The following STAT5B variants were observed in gnomAD, a reference collection of about 807,000 sequenced individuals.
The protein encoded by STAT5B is transcription factor STAT5B.
Under a neutral mutation model 107.8 loss-of-function variants are expected in STAT5B, and 21 were observed. The ratio of observed to expected loss-of-function variants is 0.19; its 90% confidence interval spans 0.14 to 0.28. STAT5B has a LOEUF of 0.28. Among genes scored for constraint, STAT5B ranks in the 10% least tolerant of loss-of-function variants. STAT5B has a pLI of 1.00. For synonymous variants in STAT5B, 325 were observed against 401.7 expected, an observed-to-expected ratio of 0.81 and a Z score of 2.28; for missense variants, 565 against 1,008.2, an observed-to-expected ratio of 0.56 and a Z score of 5.95.
intron 1 of STAT5B, among the ~76,000 whole-genome samples, chr17:42,253,685 T>G (rs2080518413): frequency 6.6e-6 from 1 of 152,150 alleles, no homozygotes; most frequent in African/African-American, 2.4e-5. Context: ...ATGATGATGA[T>G]TATTTTTAGA....
intron 3 of STAT5B, 36 bp from the exon 4 acceptor site, chr17:42,224,904 A>T: frequency 6.2e-7 from 1 of 1,608,956 alleles, no homozygotes; most frequent in Non-Finnish European, 8.5e-7. Flanking sequence ...ACTTTGTGCC[A>T]CTCCACACTA....
intron 9 of STAT5B, chr17:42,217,888 T>G: frequency 2.0e-6 from 1 of 510,978 alleles, no homozygotes; most frequent in South Asian, 2.1e-5. Flanking sequence ...GTATTTTTAG[T>G]AGAGACAGGG....
intron 15 of STAT5B, among the ~76,000 whole-genome samples, chr17:42,208,922 C>T (rs1029351620): frequency 2.6e-5 from 4 of 151,942 alleles, no homozygotes; most frequent in Admixed American, 6.6e-5. Flanking sequence ...TTAGTAGAGA[C>T]GGGGGTTTCA....
intron 5 of STAT5B, among the ~76,000 whole-genome samples, chr17:42,220,363 C>G (rs1463448726): frequency 3.3e-5 from 5 of 152,196 alleles, no homozygotes; most frequent in African/African-American, 1.2e-4. Context: ...TGGGTGAGCT[C>G]TGTGTGAGGT....
intron 16 of STAT5B, among the ~76,000 whole-genome samples, chr17:42,207,012 G>A (rs921549180): frequency 3.3e-5 from 5 of 151,440 alleles, no homozygotes; most frequent in African/African-American, 9.7e-5. Flanking sequence ...GAGTACCTGC[G>A]ATTACAAGTG....
At chr17:42,226,805 T>A (rs1293007947) in intron 3 of STAT5B, among the ~76,000 whole-genome samples, 4 of 79,500 alleles carry the variant, frequency 5.0e-5, no homozygotes, top group East Asian at 3.8e-4. Flanking sequence ...TGAAACTCCA[T>A]CTCAAAAAAA....
At chr17:42,208,142 T>C (rs1488632977) in intron 15 of STAT5B, among the ~76,000 whole-genome samples, 1 of 152,028 alleles carries the variant, frequency 6.6e-6, no homozygotes, top group African/African-American at 2.4e-5. Context: ...TCCACCCACC[T>C]CAGCCTCCCA....
At chr17:42,277,699 T>G (rs2080776321), upstream of STAT5B, among the ~76,000 whole-genome samples, 2 of 152,156 alleles carry the variant, frequency 1.3e-5, 1 homozygote, top group South Asian at 4.1e-4. Flanking sequence ...CCCATGATGT[T>G]TTGACACTCA....
In STAT5B at chr17:42,202,417, G is replaced by A. The variant is rs529306345; in HGVS notation, c.2160C>T (p.Gly720=). The change falls in exon 18 of 19, where the codon GGC becomes GGT. Residue 720 remains glycine, a synonymous_variant. Coordinates refer to ENST00000293328, the MANE Select transcript of STAT5B (RefSeq NM_012448.4). The stretch of plus-strand genomic sequence containing the variant: ...CCTGGTCCATGTACGTGGCGCTGCC[G>A]CCCCCGGCATCTGCAGATGCGTTCA... The part of the protein sequence containing the change: ...EFVNASADAG[G]GSATYMDQAP... The A allele has an allele frequency of 9.3e-6, 15 of 1,614,184 alleles. No homozygotes were observed. In the East Asian group the frequency reaches 2.7e-4, roughly 29 times the overall value.
At chr17:42,283,274 T>G in the STAT5B span, among the ~76,000 whole-genome samples, 3 of 152,172 alleles carry the variant, frequency 2.0e-5, no homozygotes, top group South Asian at 4.1e-4. Context: ...ACAGTGCCAA[T>G]TCCACTCAGC....
chr17:42,238,603 G>A (rs1598319548), intron 1 of STAT5B, among the ~76,000 whole-genome samples: 3 of 151,350 alleles, frequency 2.0e-5, no homozygotes, highest in Admixed American at 6.6e-5. Context: ...ACAGCTGCCC[G>A]CCACCACGCC....
intron 1 of STAT5B, chr17:42,234,227 G>C (rs1461766513): frequency 1.3e-5 from 2 of 152,190 alleles, no homozygotes; most frequent in African/African-American, 4.8e-5. Flanking sequence ...CTATTTATGG[G>C]ACAAGTCAGT....
intron 1 of STAT5B, among the ~76,000 whole-genome samples, chr17:42,263,883 A>G (rs965273722): frequency 3.3e-5 from 5 of 150,922 alleles, no homozygotes; most frequent in African/African-American, 4.9e-5. Context: ...ACACACACAC[A>G]CACACACACA....
Position 42,223,570 on chromosome 17 carries a change from G to C in STAT5B, c.376-14C>G. On this transcript the variant is annotated splice_polypyrimidine_tract_variant and intron_variant, in intron 4 of 18. Transcript: ENST00000293328. ...TGGAGAGCTACCCTGGGAACATATG[G>C]GGGGCAGTGCAAGGCAGTGCGAATG... is the stretch of plus-strand genomic sequence containing the variant. 1.9e-6 allele frequency: 3 copies of C among 1,614,096 alleles called. No homozygotes were observed. The highest frequency in any genetic ancestry group is 2.5e-6 in the Non-Finnish European group (3 of 1,180,000).
chr17:42,214,357 A>G, intron 12 of STAT5B: 4 of 985,416 alleles, frequency 4.1e-6, no homozygotes, highest in Non-Finnish European at 4.8e-6. Context: ...GACAAGAGGC[A>G]GACAGACAGT....
chr17:42,263,151 T>G (rs1271408452), intron 1 of STAT5B, among the ~76,000 whole-genome samples: 1 of 149,028 alleles, frequency 6.7e-6, no homozygotes, highest in Non-Finnish European at 1.5e-5. Flanking sequence ...TCCTTTCACC[T>G]CTGTCTCCCT....
chr17:42,258,544 T>C (rs1411705916), intron 1 of STAT5B, among the ~76,000 whole-genome samples: 1 of 152,172 alleles, frequency 6.6e-6, no homozygotes, highest in Non-Finnish European at 1.5e-5. Flanking sequence ...CTGGGCATGG[T>C]GGAACTTGCC....
chr17:42,228,705 G>T (rs2080294133), intron 2 of STAT5B, among the ~76,000 whole-genome samples: 2 of 152,232 alleles, frequency 1.3e-5, no homozygotes, highest in Admixed American at 6.5e-5. Flanking sequence ...GCCGAGGCAG[G>T]CGGATTACCT....
At chr17:42,282,898 G>A in the STAT5B span, among the ~76,000 whole-genome samples, 1 of 152,234 alleles carries the variant, frequency 6.6e-6, no homozygotes, top group African/African-American at 2.4e-5. Context: ...GCTAGTGCTT[G>A]GAGTTGAGAG....
Sources: allele counts gnomAD v4.1 joint callset (sites outside exome capture counted in the v4.1 genomes callset), GRCh38; gene constraint gnomAD v4.1.1; transcripts MANE v1.5; gene names NCBI Gene and HGNC (gene_info 2026-07-23, HGNC 2026-07-21).